Variants in EEPD1 observed in about 807,000 individuals in gnomAD.
EEPD1 encodes the protein endonuclease/exonuclease/phosphatase family domain-containing protein 1.
A neutral mutation model predicts 46.3 loss-of-function variants in EEPD1; 17 were observed. The ratio of observed to expected loss-of-function variants is 0.37; its 90% CI spans 0.25 to 0.55. EEPD1 has a LOEUF of 0.55. Ranked by LOEUF, EEPD1 falls within the 20% of genes least tolerant of loss-of-function variation. The pLI, the probability that EEPD1 is intolerant of heterozygous loss-of-function variation, is 0.83. For synonymous variants in EEPD1, 313 were observed against 315.6 expected (o/e 0.99, Z 0.09); for missense variants, 673 against 745.6 (o/e 0.90, Z 1.13).
At chr7:36,285,866 T>A (rs886969281) in intron 5 of EEPD1, among the ~76,000 whole-genome samples, 4 of 152,170 alleles carry the variant, frequency 2.6e-5, no homozygotes, top group Admixed American at 6.5e-5. Flanking sequence ...TGAGGGTGGG[T>A]GTGTGCTCAC....
intron 2 of EEPD1, among the ~76,000 whole-genome samples, chr7:36,237,942 C>G (rs1786487208): frequency 6.6e-6 from 1 of 151,922 alleles, no homozygotes; most frequent in Non-Finnish European, 1.5e-5. Flanking sequence ...CAGAGTGAGA[C>G]TGTCTCAAAA....
chr7:36,281,036 C>A, intron 3 of EEPD1, 79 bp from the exon 4 acceptor site: 1 of 1,188,752 alleles, frequency 8.4e-7, no homozygotes. Flanking sequence ...TCATGCAGTG[C>A]CTGGCTTCTC....
At chr7:36,257,422 A>G (rs935162322) in intron 3 of EEPD1, among the ~76,000 whole-genome samples, 2 of 152,084 alleles carry the variant, frequency 1.3e-5, no homozygotes, top group African/African-American at 4.8e-5. Context: ...GTGTTTTCCA[A>G]GTTGGTTTCC....
intron 4 of EEPD1, among the ~76,000 whole-genome samples, chr7:36,281,440 G>A (rs1169065580): frequency 2.0e-5 from 3 of 152,204 alleles, no homozygotes; most frequent in Admixed American, 2.0e-4. Flanking sequence ...GGAAATGAGA[G>A]CTTAGGGTGT....
chr7:36,181,076 G>T (rs930992854), intron 2 of EEPD1, among the ~76,000 whole-genome samples: 3 of 152,144 alleles, frequency 2.0e-5, no homozygotes, highest in Non-Finnish European at 4.4e-5. Context: ...ACCATTGTAG[G>T]TAGCCTGGAG....
At chr7:36,217,634 T>A (rs1786052828) in intron 2 of EEPD1, among the ~76,000 whole-genome samples, 1 of 152,232 alleles carries the variant, frequency 6.6e-6, no homozygotes, top group Non-Finnish European at 1.5e-5. Context: ...TTCAAATGCC[T>A]CTGATAACTT....
intron 2 of EEPD1, among the ~76,000 whole-genome samples, chr7:36,221,562 C>A (rs991395856): frequency 1.3e-5 from 2 of 152,178 alleles, no homozygotes; most frequent in South Asian, 4.1e-4. Context: ...ACCATAAAAT[C>A]TGAACTCAGC....
intron 2 of EEPD1, among the ~76,000 whole-genome samples, chr7:36,164,964 A>G (rs1253357110): frequency 6.6e-6 from 1 of 152,232 alleles, no homozygotes; most frequent in Non-Finnish European, 1.5e-5. Context: ...TGTTATTACA[A>G]AAGTCAAAAG....
chr7:36,244,042 T>TATA (rs1786598695), intron 3 of EEPD1, among the ~76,000 whole-genome samples: 1 of 152,062 alleles, frequency 6.6e-6, no homozygotes, highest in South Asian at 2.1e-4. Flanking sequence ...AAACTTAAAG[T>TATA]ATAATAATAA....
intron 2 of EEPD1, among the ~76,000 whole-genome samples, chr7:36,202,605 T>C (rs1785733474): frequency 1.3e-5 from 2 of 152,186 alleles, no homozygotes; most frequent in African/African-American, 4.8e-5. Context: ...GACTGAATAA[T>C]TCTCAGCTTG....
intron 3 of EEPD1, among the ~76,000 whole-genome samples, chr7:36,243,994 A>G (rs1026772113): frequency 6.0e-5 from 9 of 148,854 alleles, no homozygotes; most frequent in Non-Finnish European, 1.2e-4. Context: ...ACATGTATAC[A>G]TATGTAACTA....
At chr7:36,247,929 C>T (rs1035201239) in intron 3 of EEPD1, among the ~76,000 whole-genome samples, 1 of 152,132 alleles carries the variant, frequency 6.6e-6, no homozygotes, top group Non-Finnish European at 1.5e-5. Flanking sequence ...GTGTTAGCCT[C>T]CTCCAGCAGG....
chr7:36,184,905 A>G (rs1489090975), intron 2 of EEPD1, among the ~76,000 whole-genome samples: 1 of 151,842 alleles, frequency 6.6e-6, no homozygotes, highest in African/African-American at 2.4e-5. Flanking sequence ...TAATTTTTGG[A>G]TTTTTAGTAG....
chr7:36,191,212 G>A (rs1785454741), intron 2 of EEPD1, among the ~76,000 whole-genome samples: 1 of 152,200 alleles, frequency 6.6e-6, no homozygotes, highest in African/African-American at 2.4e-5. Flanking sequence ...TTGGGTCCTG[G>A]TCCTGAAATT....
intron 2 of EEPD1, among the ~76,000 whole-genome samples, chr7:36,196,443 G>GGTCTCCCTC (rs1785587841): frequency 6.6e-6 from 1 of 151,768 alleles, no homozygotes; most frequent in South Asian, 2.1e-4. Flanking sequence ...TCCTTTCCAT[G>GGTCTCCCTC]GTCTCCCTCT....
At chr7:36,295,848 T>A (rs1030749827) in intron 6 of EEPD1, among the ~76,000 whole-genome samples, 1 of 151,810 alleles carries the variant, frequency 6.6e-6, no homozygotes, top group Non-Finnish European at 1.5e-5. Context: ...CTGGCCAACA[T>A]GGTTAAGCCC....
rs1447583671 is a variant in EEPD1 at position 36,200,748 on chromosome 7, G to A, written c.879-38237G>A. 4.6e-5 allele frequency among the ~76,000 whole-genome samples: 7 copies of A among 152,042 alleles called. No individual in the cohort carries two copies. The East Asian group carries it at 7.7e-4, about 17-fold the overall frequency. On this transcript the variant is annotated intron_variant, in intron 2 of 7. Transcript: ENST00000242108. ...ATTCTTGCTAGAGGTTGTGGTTGCC[G>A]GCTCCACGTTAAAAAACCCGTCACC...
chr7:36,154,424 C>T lies in EEPD1; in HGVS notation c.100C>T (p.Leu34=). 1 of 1,614,194 alleles carries T rather than the reference C, an allele frequency of 6.2e-7. No individual in the cohort carries two copies. Among genetic ancestry groups the T allele is most frequent in the East Asian group, 2.2e-5 (1 of 44,882 alleles). The change falls in exon 2 of 8, where the codon CTA becomes TTA. Residue 34 remains leucine, a synonymous_variant. Transcript: ENST00000242108. This position sits in a 1 kb window ranked among gnomAD's most constrained non-coding sequence, Gnocchi z 4.2. The stretch of plus-strand genomic sequence containing the variant: ...CGCAGCCTGTAACTTCAGCAACATT[C>T]TAGTGAATCAGGAGCGGCTCAACAT... The part of the protein sequence containing the change: ...FSAACNFSNI[L]VNQERLNINT...
intron 2 of EEPD1, among the ~76,000 whole-genome samples, chr7:36,220,856 G>C (rs1261888302): frequency 6.6e-6 from 1 of 152,226 alleles, no homozygotes; most frequent in Non-Finnish European, 1.5e-5. Context: ...CTAGAATGCA[G>C]TGGTGCAATC....
Sources: allele counts gnomAD v4.1 joint callset (sites outside exome capture counted in the v4.1 genomes callset), GRCh38; gene constraint gnomAD v4.1.1; non-coding constraint Gnocchi (gnomAD v3.1); transcripts MANE v1.5; gene names NCBI Gene and HGNC (gene_info 2026-07-23, HGNC 2026-07-21).